Variants in CP observed in about 807,000 individuals in gnomAD.
The protein encoded by CP is ceruloplasmin.
In CP, 64 loss-of-function variants were observed where a neutral mutation model predicts 122.4. The ratio of observed to expected loss-of-function variants is 0.52; its 90% confidence interval spans 0.43 to 0.64. The LOEUF is 0.64. CP is among the 30% of genes least tolerant of loss of function. The pLI is 0.00. For missense variants in CP, 1,167 were observed against 1,284.4 expected (o/e 0.91, Z 1.40); for synonymous variants, 440 against 436.4 (o/e 1.01, Z -0.10).
exon 5 of CP, chr3:149,165,980 G>T (rs570107150): frequency 1.1e-5 from 5 of 455,574 alleles, no homozygotes; most frequent in African/African-American, 6.0e-5. Flanking sequence ...TAGATATTTG[G>T]AATAAAATAA....
At chr3:149,184,099 G>A (rs548374450) in intron 12 of CP, among the ~76,000 whole-genome samples, 4 of 127,730 alleles carry the variant, frequency 3.1e-5, no homozygotes, top group South Asian at 5.2e-4. Context: ...GCAGTGGCGT[G>A]ATCTCCGCTC....
chr3:149,169,674 C>T (rs561521306), downstream of CP, among the ~76,000 whole-genome samples: 1 of 152,266 alleles, frequency 6.6e-6, no homozygotes, highest in Non-Finnish European at 1.5e-5. Flanking sequence ...CCCTGTGGGA[C>T]AAAATTTTCC....
Position 149,202,083 on chromosome 3 carries a change from A to G in CP, c.1348+19T>C. ...CATGGGAAGAGTAAACCAGCCATAT[A>G]TATTCTGCAAGAACTCACCCAGGAT... On this transcript the variant is annotated intron_variant, in intron 7 of 18. Coordinates refer to ENST00000264613, the MANE Select transcript of CP (RefSeq NM_000096.4). 1 of 1,613,922 alleles carries G rather than the reference A, an allele frequency of 6.2e-7. No individual in the cohort carries two copies. The highest frequency in any genetic ancestry group is 8.5e-7 in the Non-Finnish European group (1 of 1,179,864).
At chr3:149,175,751 T>G (rs1210045117) in intron 18 of CP, among the ~76,000 whole-genome samples, 1 of 151,732 alleles carries the variant, frequency 6.6e-6, no homozygotes, top group Non-Finnish European at 1.5e-5. Context: ...ATTTTGTTTC[T>G]TCCCTGGATC....
intron 9 of CP, among the ~76,000 whole-genome samples, chr3:149,189,279 C>T (rs964242305): frequency 2.0e-5 from 3 of 152,094 alleles, no homozygotes; most frequent in East Asian, 1.9e-4. Flanking sequence ...AAAGGCCAGG[C>T]GTGGTAGCTC....
rs777018705 is a variant in CP at position 149,212,532 on chromosome 3, C to T, written c.313G>A (p.Val105Ile). Residue 105 changes from valine to isoleucine, a missense_variant, in exon 2 of 19, where the codon GTT (valine) becomes ATT (isoleucine). Around this residue, in one of 2 missense-constraint regions of CP, gnomAD observed 642 missense variants for 627.3 expected, o/e 1.02. Coordinates refer to ENST00000264613, the MANE Select transcript of CP (RefSeq NM_000096.4). ...PIIKAETGDKVYVHLKNLASR... is the reference protein window; with the variant it reads ...PIIKAETGDKIYVHLKNLASR... ...GCAAGGTTTTTTAAGTGTACATAAA[C>T]TTTATCTCCAGTTTCAGCTTTGATA... 5 of 1,613,902 alleles carry T rather than the reference C, an allele frequency of 3.1e-6. No individual in the cohort carries two copies. Among genetic ancestry groups the T allele is most frequent in the Non-Finnish European group, 4.2e-6 (5 of 1,179,976 alleles).
intron 9 of CP, among the ~76,000 whole-genome samples, chr3:149,197,809 T>A (rs1726998354): frequency 1.3e-5 from 2 of 152,178 alleles, no homozygotes; most frequent in Admixed American, 1.3e-4. Flanking sequence ...TTGCCGCCAC[T>A]GATCTGACAG....
At chr3:149,213,132 G>C (rs1007351779) in intron 1 of CP, among the ~76,000 whole-genome samples, 1 of 152,086 alleles carries the variant, frequency 6.6e-6, no homozygotes, top group Non-Finnish European at 1.5e-5. Context: ...CTGGATATTT[G>C]AGACTTCAAA....
rs556251979 is a variant in CP at position 149,206,129 on chromosome 3, G to A, written c.1208+39C>T. On this transcript the variant is annotated intron_variant, in intron 6 of 18. Coordinates refer to ENST00000264613, the MANE Select transcript of CP (RefSeq NM_000096.4). ...TTTTGTAGTTCCTTTGTGCGGGGGA[G>A]AGCATATTTTGAAATAGTACTCTTT... 1.1e-4 allele frequency: 172 copies of A among 1,589,212 alleles called. 3 individuals are homozygous for A. In the South Asian group the frequency reaches 1.7e-3, roughly 16 times the overall value.
chr3:149,207,679 C>A, intron 4 of CP, 62 bp from the exon 5 acceptor site: 1 of 1,557,272 alleles, frequency 6.4e-7, no homozygotes, highest in Non-Finnish European at 8.9e-7. Flanking sequence ...GTGAGAGTTA[C>A]CTCTATATAA....
At chr3:149,186,438 C>G (rs1576742199) in intron 11 of CP, 82 bp downstream of exon 11, 2 of 1,324,044 alleles carry the variant, frequency 1.5e-6, no homozygotes, top group East Asian at 2.4e-5. Flanking sequence ...ATAAGTTTAT[C>G]ACCCAACACA....
intron 6 of CP, among the ~76,000 whole-genome samples, chr3:149,205,790 G>T (rs965437359): frequency 2.0e-5 from 3 of 151,950 alleles, no homozygotes; most frequent in African/African-American, 7.2e-5. Flanking sequence ...TTTCATTTGG[G>T]ATGATAAAAA....
chr3:149,181,744 A>G (rs1206969643), intron 14 of CP, among the ~76,000 whole-genome samples: 3 of 152,166 alleles, frequency 2.0e-5, no homozygotes, highest in East Asian at 3.9e-4. Flanking sequence ...GCGAGGAGAC[A>G]GCATCTCTCT....
chr3:149,175,329 G>T (rs1317215499), intron 18 of CP, among the ~76,000 whole-genome samples: 2 of 152,052 alleles, frequency 1.3e-5, no homozygotes, highest in Non-Finnish European at 2.9e-5. Flanking sequence ...CTAATAAAAA[G>T]GGCATTAATG....
chr3:149,202,019 G>A, intron 7 of CP, 83 bp downstream of exon 7: 1 of 1,547,778 alleles, frequency 6.5e-7, no homozygotes, highest in African/African-American at 1.4e-5. Flanking sequence ...TCATGCAGTA[G>A]GTCCTGAAGT....
intron 9 of CP, among the ~76,000 whole-genome samples, chr3:149,195,515 A>C (rs1726842706): frequency 6.6e-6 from 1 of 152,236 alleles, no homozygotes; most frequent in Non-Finnish European, 1.5e-5. Flanking sequence ...GAAATGAGGA[A>C]TGAGCAATAT....
At chr3:149,217,963 T>C (rs1432543698) in intron 1 of CP, 1 of 358,110 alleles carries the variant, frequency 2.8e-6, no homozygotes, top group African/African-American at 2.3e-5. Context: ...ACATCTTCAC[T>C]GTACCATTTG....
exon 6 of CP, chr3:149,162,607 G>A (rs1723984843): frequency 7.2e-7 from 1 of 1,387,570 alleles, no homozygotes; most frequent in African/African-American, 1.4e-5. Context: ...TGGCCCATGT[G>A]ATGCTGTGAT....
At position 149,207,523 on chromosome 3, in the gene CP, A is replaced by G. The variant is rs1204736398; in HGVS notation, c.876T>C (p.Val292=). 6.2e-7 allele frequency: 1 copy of G among 1,614,004 alleles called. No homozygotes were observed. The highest frequency in any genetic ancestry group is 1.3e-5 in the African/African-American group (1 of 75,032). The part of the protein sequence containing the change: ...KWYLFGMGNE[V]DVHAAFFHGQ... ...CGTGAAAGAAAGCTGCGTGCACATC[A>G]ACTTCATTACCCATACCAAAAAGGT... The change falls in exon 5 of 19, where the codon GTT becomes GTC. Residue 292 remains valine, a synonymous_variant. Transcript: ENST00000264613.
Sources: allele counts gnomAD v4.1 joint callset (sites outside exome capture counted in the v4.1 genomes callset), GRCh38; gene constraint gnomAD v4.1.1; regional missense constraint gnomAD v4.1.1; transcripts MANE v1.5; gene names NCBI Gene and HGNC (gene_info 2026-07-23, HGNC 2026-07-21).